The following DSCAM variants were observed in gnomAD, a reference collection of about 807,000 sequenced individuals.
DSCAM encodes DS cell adhesion molecule, also known as cell adhesion molecule DSCAM.
A neutral mutation model predicts 217.7 loss-of-function variants in DSCAM; 47 were observed. That is an observed-to-expected ratio of 0.22 (90% CI 0.17 to 0.28). DSCAM has a LOEUF of 0.28. Among genes scored for constraint, DSCAM ranks in the 10% least tolerant of loss-of-function variants. The pLI, the probability that DSCAM is intolerant of heterozygous loss-of-function variation, is 1.00. For missense variants in DSCAM, 2,080 were observed against 2,618.3 expected, an observed-to-expected ratio of 0.79 and a Z score of 4.49; for synonymous variants, 1,056 against 1,015.3, an observed-to-expected ratio of 1.04 and a Z score of -0.76.
intron 3 of DSCAM, among the ~76,000 whole-genome samples, chr21:40,391,842 A>G (rs1467011258): frequency 6.6e-6 from 1 of 152,216 alleles, no homozygotes; most frequent in African/African-American, 2.4e-5. Flanking sequence ...TGTTGACACA[A>G]TTTGCACAGA....
intron 1 of DSCAM, among the ~76,000 whole-genome samples, chr21:40,832,315 A>T (rs6517624): frequency 0.73 from 110,329 of 152,144 alleles, 40,180 homozygotes; most frequent in East Asian, 0.77. Flanking sequence ...GTGCGAATCA[A>T]ATGGTCACTC....
intron 3 of DSCAM, among the ~76,000 whole-genome samples, chr21:40,435,746 C>A (rs8134508): frequency 6.6e-6 from 1 of 152,152 alleles, no homozygotes; most frequent in African/African-American, 2.4e-5. Context: ...GATCTCTATG[C>A]CTATCCCTTT....
At chr21:40,510,744 TTTC>T (rs2076251754) in intron 3 of DSCAM, among the ~76,000 whole-genome samples, 1 of 152,196 alleles carries the variant, frequency 6.6e-6, no homozygotes, top group Admixed American at 6.5e-5. Context: ...TCAGCCAGAC[TTTC>T]TTCCCATTCT....
intron 3 of DSCAM, among the ~76,000 whole-genome samples, chr21:40,397,785 C>A (rs1260238801): frequency 6.6e-6 from 1 of 152,002 alleles, no homozygotes; most frequent in African/African-American, 2.4e-5. Context: ...ACCACCACTA[C>A]TATGCTACTA....
chr21:40,589,808 CA>C (rs1217372364), intron 3 of DSCAM, among the ~76,000 whole-genome samples: 4 of 152,166 alleles, frequency 2.6e-5, no homozygotes, highest in Non-Finnish European at 5.9e-5. Flanking sequence ...CTTCTGCACA[CA>C]AACTATTTGA....
intron 3 of DSCAM, among the ~76,000 whole-genome samples, chr21:40,419,361 T>A (rs980114879): frequency 4.6e-5 from 7 of 152,170 alleles, no homozygotes; most frequent in Admixed American, 2.0e-4. Flanking sequence ...GTATCCGAAA[T>A]ATTATTTAAA....
At chr21:40,390,535 G>A (rs912312063) in intron 3 of DSCAM, among the ~76,000 whole-genome samples, 8 of 152,120 alleles carry the variant, frequency 5.3e-5, no homozygotes, top group Admixed American at 1.3e-4. Flanking sequence ...ACTGCAAACC[G>A]GGTGGTTTAA....
intron 16 of DSCAM, among the ~76,000 whole-genome samples, chr21:40,156,287 C>CAGAGAGAGAGAGAGAGAGAGAG (rs749781848): frequency 2.6e-5 from 2 of 75,700 alleles, no homozygotes; most frequent in Non-Finnish European, 5.2e-5. Context: ...CAAACTAAGA[C>CAGAGAGAGAGAGAGAGAGAGAG]AGAGAGAGAG....
intron 8 of DSCAM, among the ~76,000 whole-genome samples, chr21:40,324,384 C>T (rs2074295800): frequency 6.6e-6 from 1 of 151,976 alleles, no homozygotes; most frequent in South Asian, 2.1e-4. Context: ...GTAAAACAAA[C>T]TCTGAGAAGC....
intron 19 of DSCAM, 99 bp downstream of exon 19, chr21:40,133,755 T>G: frequency 3.5e-5 from 50 of 1,411,712 alleles, no homozygotes; most frequent in Non-Finnish European, 4.1e-5. Flanking sequence ...AGGTTTGCAC[T>G]GAGAATAGCC....
chr21:40,658,064 C>T (rs1415636498), intron 3 of DSCAM, among the ~76,000 whole-genome samples: 1 of 152,164 alleles, frequency 6.6e-6, no homozygotes, highest in Non-Finnish European at 1.5e-5. Context: ...TGAGAATTAA[C>T]ATTTGTATTG....
At chr21:40,028,384 G>A (rs1296667527) in intron 32 of DSCAM, among the ~76,000 whole-genome samples, 4 of 145,990 alleles carry the variant, frequency 2.7e-5, no homozygotes, top group African/African-American at 5.2e-5. Context: ...CACCCAGTTC[G>A]AGCTTCCAGG....
intron 8 of DSCAM, among the ~76,000 whole-genome samples, chr21:40,316,035 T>C (rs1016108607): frequency 6.6e-6 from 1 of 152,218 alleles, no homozygotes; most frequent in African/African-American, 2.4e-5. Flanking sequence ...TAATACAAAA[T>C]CGTAATACTT....
intron 6 of DSCAM, among the ~76,000 whole-genome samples, chr21:40,342,648 A>ATATATATATAT (rs61637421): frequency 2.5e-5 from 2 of 80,316 alleles, no homozygotes; most frequent in Non-Finnish European, 4.5e-5. Context: ...ATATATATAT[A>ATATATATATAT]TTTTTTTTTT....
At chr21:40,486,583 G>A (rs2076030548) in intron 3 of DSCAM, among the ~76,000 whole-genome samples, 1 of 151,952 alleles carries the variant, frequency 6.6e-6, no homozygotes. Flanking sequence ...GGGGTCTGGG[G>A]TTGTAGCATA....
intron 5 of DSCAM, among the ~76,000 whole-genome samples, chr21:40,348,403 C>T (rs1331361815): frequency 3.3e-5 from 5 of 151,398 alleles, no homozygotes; most frequent in African/African-American, 1.2e-4. Context: ...GCAATCATAC[C>T]CTAGAGAGTT....
intron 1 of DSCAM, among the ~76,000 whole-genome samples, chr21:40,761,541 GCT>G (rs2091335464): frequency 6.6e-6 from 1 of 151,982 alleles, no homozygotes; most frequent in South Asian, 2.1e-4. Context: ...TTCCCTCACA[GCT>G]CTCAGAAAAA....
At chr21:40,459,715 C>G (rs996601935) in intron 3 of DSCAM, among the ~76,000 whole-genome samples, 7 of 152,056 alleles carry the variant, frequency 4.6e-5, no homozygotes, top group Non-Finnish European at 8.8e-5. Context: ...TTTCAAACAA[C>G]TCTAGCAAAA....
At chr21:40,489,944 T>C (rs903990701) in intron 3 of DSCAM, among the ~76,000 whole-genome samples, 3 of 152,176 alleles carry the variant, frequency 2.0e-5, no homozygotes, top group Admixed American at 6.5e-5. Flanking sequence ...TCTGCTCTTA[T>C]GCTGCTAATA....
Sources: allele counts gnomAD v4.1 joint callset (sites outside exome capture counted in the v4.1 genomes callset), GRCh38; gene constraint gnomAD v4.1.1; transcripts MANE v1.5; gene names NCBI Gene and HGNC (gene_info 2026-07-23, HGNC 2026-07-21).